Variants in CHD2 observed in about 807,000 individuals in gnomAD.
The protein encoded by CHD2 is ATP-dependent chromatin remodeler CHD2.
In CHD2, 28 loss-of-function variants were observed where a neutral mutation model predicts 243.9. That is an observed-to-expected ratio of 0.11 (90% CI 0.09 to 0.16). The LOEUF (loss-of-function observed/expected upper bound fraction) is 0.16, where lower values mean the gene tolerates loss of function less well. Ranked by LOEUF, CHD2 falls within the 10% of genes least tolerant of loss-of-function variation. The pLI, the probability that CHD2 is intolerant of heterozygous loss-of-function variation, is 1.00. For missense variants in CHD2, 1,386 were observed against 2,209.8 expected (o/e 0.63, Z 7.47); for synonymous variants, 775 against 779.0 (o/e 0.99, Z 0.09).
At chr15:92,962,687 T>C (rs1473756766) in intron 16 of CHD2, among the ~76,000 whole-genome samples, 10 of 152,216 alleles carry the variant, frequency 6.6e-5, no homozygotes, top group Non-Finnish European at 1.2e-4. Context: ...TCAAGACTTT[T>C]ATATCTTTTC....
chr15:92,948,934 T>A lies in CHD2; in HGVS notation c.1378-18T>A. On this transcript the variant is annotated intron_variant, in intron 12 of 38. Transcript: ENST00000394196. The stretch of plus-strand genomic sequence containing the variant: ...AGCAGTAAGAACATTTTCTCAGACT[T>A]GGGCTTTTGTTTTTCAGGCCCTGAA... 6.2e-7 allele frequency: 1 copy of A among 1,608,100 alleles called. No individual in the cohort carries two copies. Among genetic ancestry groups the A allele is most frequent in the African/African-American group, 1.3e-5 (1 of 74,452 alleles).
intron 7 of CHD2, among the ~76,000 whole-genome samples, chr15:92,940,119 A>G (rs1281592270): frequency 2.6e-5 from 4 of 152,178 alleles, no homozygotes; most frequent in Non-Finnish European, 5.9e-5. Context: ...ATCTGATTTT[A>G]TCAAGTACTA....
At chr15:93,011,606 G>A (rs1202487198) in intron 35 of CHD2, among the ~76,000 whole-genome samples, 1 of 152,190 alleles carries the variant, frequency 6.6e-6, no homozygotes, top group Non-Finnish European at 1.5e-5. Flanking sequence ...AGCAAGCCAT[G>A]GTGAAACTAC....
At chr15:93,000,409 G>T in intron 31 of CHD2, 103 bp from the exon 32 acceptor site, 1 of 1,189,626 alleles carries the variant, frequency 8.4e-7, no homozygotes. Flanking sequence ...TTTCTTGTTT[G>T]AATTATATGG....
At chr15:92,949,657 G>T (rs1174944467) in intron 13 of CHD2, among the ~76,000 whole-genome samples, 1 of 152,174 alleles carries the variant, frequency 6.6e-6, no homozygotes, top group Non-Finnish European at 1.5e-5. Flanking sequence ...AGCACTGGAG[G>T]TTTAAAGGTA....
chr15:93,022,650 G>A (rs907983125), intron 38 of CHD2, among the ~76,000 whole-genome samples: 7 of 152,202 alleles, frequency 4.6e-5, no homozygotes, highest in Non-Finnish European at 1.0e-4. Context: ...GGAACCCTCT[G>A]TAGATCTTCA....
intron 37 of CHD2, among the ~76,000 whole-genome samples, chr15:93,015,493 A>C (rs1013390169): frequency 4.6e-5 from 7 of 152,244 alleles, no homozygotes; most frequent in African/African-American, 1.7e-4. Flanking sequence ...TAAAACTGCT[A>C]ATCTTGAAAG....
intron 2 of CHD2, among the ~76,000 whole-genome samples, chr15:92,916,187 C>G (rs935929403): frequency 6.6e-6 from 1 of 152,168 alleles, no homozygotes; most frequent in Non-Finnish European, 1.5e-5. Flanking sequence ...TGTCTCATGT[C>G]TCCCTAAAAT....
At chr15:92,929,435 G>A (rs1281153813) in intron 5 of CHD2, among the ~76,000 whole-genome samples, 1 of 152,090 alleles carries the variant, frequency 6.6e-6, no homozygotes, top group Non-Finnish European at 1.5e-5. Context: ...ATTGTAGTAA[G>A]CAAGGAACAA....
At chr15:92,981,066 T>TA (rs2053973714) in intron 23 of CHD2, among the ~76,000 whole-genome samples, 155 bp downstream of exon 23, 1 of 152,252 alleles carries the variant, frequency 6.6e-6, no homozygotes, top group African/African-American at 2.4e-5. Context: ...TCATAGCTCT[T>TA]ACCAAATTGA....
chr15:92,983,574 C>G (rs2054006286), intron 24 of CHD2, among the ~76,000 whole-genome samples: 2 of 152,158 alleles, frequency 1.3e-5, no homozygotes, highest in Non-Finnish European at 2.9e-5. Context: ...TGGGGGCTGC[C>G]TGCCACTGCT....
chr15:93,010,261 C>T (rs1262482043), intron 35 of CHD2, among the ~76,000 whole-genome samples: 1 of 152,146 alleles, frequency 6.6e-6, no homozygotes, highest in Non-Finnish European at 1.5e-5. Flanking sequence ...CATGTTTTTG[C>T]AATTGCAGAT....
At chr15:92,965,429 G>C (rs183430817) in intron 16 of CHD2, 1 of 152,046 alleles carries the variant, frequency 6.6e-6, no homozygotes, top group African/African-American at 2.4e-5. Flanking sequence ...GATGGTGGGC[G>C]CCTGTAGTTC....
chr15:92,948,060 C>T (rs1402865560), intron 12 of CHD2, among the ~76,000 whole-genome samples: 4 of 152,208 alleles, frequency 2.6e-5, no homozygotes, highest in Middle Eastern at 3.4e-3. Context: ...TCGGTTGTTT[C>T]CTAAACTGAT....
chr15:92,904,461 C>T (rs1396566982), intron 2 of CHD2: 21 of 988,976 alleles, frequency 2.1e-5, no homozygotes, highest in Non-Finnish European at 2.4e-5. Context: ...GCGCTTTCTC[C>T]TCCCCCTACC....
chr15:92,935,438 C>T (rs1277859947), intron 5 of CHD2, among the ~76,000 whole-genome samples: 1 of 152,210 alleles, frequency 6.6e-6, no homozygotes, highest in Non-Finnish European at 1.5e-5. Flanking sequence ...CACATCCATT[C>T]TCTGTGTTTG....
At chr15:92,910,721 C>T (rs1393323887) in intron 2 of CHD2, among the ~76,000 whole-genome samples, 3 of 152,106 alleles carry the variant, frequency 2.0e-5, no homozygotes, top group Non-Finnish European at 2.9e-5. Flanking sequence ...CTACCCATGC[C>T]GTTCTGTTCC....
At chr15:92,906,173 G>C (rs538015878) in intron 2 of CHD2, among the ~76,000 whole-genome samples, 10 of 151,970 alleles carry the variant, frequency 6.6e-5, no homozygotes, top group African/African-American at 2.2e-4. Flanking sequence ...TATGTTTGTT[G>C]AGCCTTCTAC....
In CHD2 at chr15:92,997,317, T is replaced by G. The variant is rs776626409; in HGVS notation, c.3799T>G (p.Ser1267Ala). The G allele has an allele frequency of 6.2e-7, 1 of 1,613,972 alleles. No individual in the cohort carries two copies. The change falls in exon 30 of 39, where the codon TCT becomes GCT. Residue 1267 changes from serine (S) to alanine (A), a missense_variant. Ser to Ala is a moderately conservative substitution (Grantham distance 99). Coordinates refer to ENST00000394196, the MANE Select transcript of CHD2 (RefSeq NM_001271.4). This position sits in a 1 kb window ranked among gnomAD's most constrained non-coding sequence, Gnocchi z 4.1. ...FDVEWGVEDD[S>A]RLLLGIYEHG... Reference sequence around the variant, plus strand: ...TGTAGAGTGGGGGGTGGAAGATGATTCTCGCCTGTTGCTGGGGATTTATGA... The same window carrying G: ...TGTAGAGTGGGGGGTGGAAGATGATGCTCGCCTGTTGCTGGGGATTTATGA...
Sources: gnomAD v4.1 joint callset for allele counts (sites outside exome capture counted in the v4.1 genomes callset) on GRCh38, gnomAD v4.1.1 for gene constraint, Gnocchi (gnomAD v3.1) non-coding constraint, MANE v1.5 for transcripts, NCBI Gene and HGNC (gene_info 2026-07-23, HGNC 2026-07-21) for gene names.